COL10A1: variants seen among roughly 807,000 people sequenced by gnomAD.
The protein encoded by COL10A1 is collagen alpha-1(X) chain.
A neutral mutation model predicts 18.2 loss-of-function variants in COL10A1; 10 were observed. That is an observed-to-expected ratio of 0.55 (90% CI 0.34 to 0.93). COL10A1 has a LOEUF of 0.93. Ranked by LOEUF, COL10A1 falls within the 40% of genes least tolerant of loss-of-function variation. The pLI is 0.02. For missense variants in COL10A1, 897 were observed against 853.5 expected (o/e 1.05, Z -0.64); for synonymous variants, 330 against 316.6 (o/e 1.04, Z -0.45).
Position 116,120,181 on chromosome 6 carries a change from T to G in COL10A1, c.1935A>C (p.Thr645=). Residue 645 remains threonine, a synonymous_variant, in exon 3 of 3, where the codon ACA becomes ACC. Coordinates refer to ENST00000651968, the MANE Select transcript of COL10A1 (RefSeq NM_000493.4). ...QASGSAIIDL[T]ENDQVWLQLP... The stretch of plus-strand genomic sequence containing the variant: ...GCTGGAGCCACACCTGGTCATTTTC[T>G]GTGAGATCGATGATGGCACTCCCTG... 1 of 1,614,182 alleles carries G rather than the reference T, an allele frequency of 6.2e-7. No homozygotes were observed. The highest frequency in any genetic ancestry group is 8.5e-7 in the Non-Finnish European group (1 of 1,180,020).
At chr6:116,163,039 A>G (rs1046410314), upstream of COL10A1, among the ~76,000 whole-genome samples, 12 of 149,564 alleles carry the variant, frequency 8.0e-5, no homozygotes, top group African/African-American at 3.0e-4. Context: ...AGGCAGGAGA[A>G]TGGCGTGAAC....
chr6:116,153,613 T>G (rs1780107868), intron 1 of COL10A1, among the ~76,000 whole-genome samples: 1 of 152,178 alleles, frequency 6.6e-6, no homozygotes, highest in Non-Finnish European at 1.5e-5. Context: ...CTCTATTAGG[T>G]ACCTAGTTAG....
In COL10A1 at chr6:116,120,097, T is replaced by C. The variant is rs1175947967; in HGVS notation, c.2019A>G (p.Ser673=). Residue 673 remains serine (S), a synonymous_variant, in exon 3 of 3, where the codon TCA becomes TCG. Transcript: ENST00000651968. The part of the protein sequence containing the change: ...YSSEYVHSSF[S]GFLVAPM The stretch of plus-strand genomic sequence containing the variant: ...CTCACATTGGAGCCACTAGGAATCC[T>C]GAGAAAGAGGAGTGGACATACTCAG... 2 of 1,614,006 alleles carry C rather than the reference T, an allele frequency of 1.2e-6. No individual in the cohort carries two copies. Among genetic ancestry groups the C allele is most frequent in the African/African-American group, 2.7e-5 (2 of 74,900 alleles).
chr6:116,143,771 C>G (rs533610416), intron 1 of COL10A1, among the ~76,000 whole-genome samples: 153 of 152,056 alleles, frequency 1.0e-3, no homozygotes, highest in Non-Finnish European at 1.9e-3. Flanking sequence ...ATTCAGTCAA[C>G]AAAATTAGCT....
rs181601116 is a variant in COL10A1, at chr6:116,123,244, G to A, written c.155-1283C>T. 1.2e-4 allele frequency among the ~76,000 whole-genome samples: 18 copies of A among 152,284 alleles called. No individual in the cohort carries two copies. The East Asian group carries it at 2.1e-3, about 18-fold the overall frequency. ...GAAATGAGTGCATTGGGCGTCATCC[G>A]AGACTGGAACTCCAGTGACAGGGCG... On this transcript the variant is annotated intron_variant, in intron 2 of 2. Coordinates refer to ENST00000651968, the MANE Select transcript of COL10A1 (RefSeq NM_000493.4).
chr6:116,179,010 T>G, the COL10A1 span, among the ~76,000 whole-genome samples: 2 of 152,208 alleles, frequency 1.3e-5, no homozygotes, highest in Non-Finnish European at 2.9e-5. Flanking sequence ...GTTATACAAA[T>G]GGTAATTTCT....
the COL10A1 span, among the ~76,000 whole-genome samples, chr6:116,172,981 T>C: frequency 6.6e-6 from 1 of 152,228 alleles, no homozygotes. Context: ...TTGAGATATC[T>C]TAATTTTTTT....
the COL10A1 span, among the ~76,000 whole-genome samples, chr6:116,168,111 C>G: frequency 6.4e-5 from 9 of 140,656 alleles, no homozygotes; most frequent in Non-Finnish European, 1.2e-4. Flanking sequence ...TTAAATTCTC[C>G]TTGGAGGGCT....
At chr6:116,204,225 T>G in the COL10A1 span, among the ~76,000 whole-genome samples, 1 of 151,982 alleles carries the variant, frequency 6.6e-6, no homozygotes, top group Non-Finnish European at 1.5e-5. Context: ...GTTTGTTGAA[T>G]TTTTATAATA....
chr6:116,153,680 A>G (rs1274493370), intron 1 of COL10A1, among the ~76,000 whole-genome samples: 1 of 152,152 alleles, frequency 6.6e-6, no homozygotes, highest in Admixed American at 6.6e-5. Flanking sequence ...AAACAGTCAA[A>G]TATTGGCAGT....
At chr6:116,162,959 C>T (rs1285544362), upstream of COL10A1, among the ~76,000 whole-genome samples, 1 of 151,620 alleles carries the variant, frequency 6.6e-6, no homozygotes, top group Non-Finnish European at 1.5e-5. Flanking sequence ...AACCCCGTCT[C>T]TACTAAATAT....
At chr6:116,202,519 A>G in the COL10A1 span, among the ~76,000 whole-genome samples, 6 of 151,962 alleles carry the variant, frequency 3.9e-5, no homozygotes, top group African/African-American at 1.4e-4. Context: ...CAATAGGTTT[A>G]TTTCTTTAAT....
upstream of COL10A1, among the ~76,000 whole-genome samples, chr6:116,130,743 A>G (rs751839115): frequency 6.6e-6 from 1 of 152,102 alleles, no homozygotes; most frequent in East Asian, 1.9e-4. Flanking sequence ...AATGACCTCA[A>G]TCTTGTATCT....
chr6:116,156,556 T>C (rs1217579238), intron 1 of COL10A1, among the ~76,000 whole-genome samples: 1 of 152,186 alleles, frequency 6.6e-6, no homozygotes, highest in African/African-American at 2.4e-5. Context: ...CGATTACATG[T>C]GCTAATTGCA....
At chr6:116,206,334 A>G in the COL10A1 span, among the ~76,000 whole-genome samples, 3 of 152,114 alleles carry the variant, frequency 2.0e-5, no homozygotes, top group South Asian at 2.1e-4. Context: ...ATCATTGCAT[A>G]TAATTCACAC....
chr6:116,200,320 A>T, the COL10A1 span, among the ~76,000 whole-genome samples: 3 of 152,058 alleles, frequency 2.0e-5, no homozygotes, highest in African/African-American at 7.2e-5. Context: ...TAAACGTAAT[A>T]TGGTATCCTG....
intron 1 of COL10A1, among the ~76,000 whole-genome samples, chr6:116,135,848 T>TATATATATATATATATATACAC (rs1779580319): frequency 2.8e-5 from 3 of 105,598 alleles, no homozygotes; most frequent in African/African-American, 1.5e-4. Context: ...TATATATATA[T>TATATATATATATATATATACAC]ATATATATAT....
At chr6:116,215,788 A>T in the COL10A1 span, among the ~76,000 whole-genome samples, 1 of 152,170 alleles carries the variant, frequency 6.6e-6, no homozygotes, top group Non-Finnish European at 1.5e-5. Context: ...GCGTGGTGGG[A>T]TTGTGGGTAA....
the COL10A1 span, among the ~76,000 whole-genome samples, chr6:116,213,251 TG>T: frequency 6.6e-6 from 1 of 152,122 alleles, no homozygotes; most frequent in African/African-American, 2.4e-5. Flanking sequence ...ATGACTGGGC[TG>T]GATGTCCAAG....
Sources: gnomAD v4.1 joint callset for allele counts (sites outside exome capture counted in the v4.1 genomes callset) on GRCh38, gnomAD v4.1.1 for gene constraint, MANE v1.5 for transcripts, NCBI Gene and HGNC (gene_info 2026-07-23, HGNC 2026-07-21) for gene names.